NWD2: variants seen among roughly 807,000 people sequenced by gnomAD.
NWD2 encodes the protein NACHT and WD repeat domain containing 2.
Under a neutral mutation model 132.7 loss-of-function variants are expected in NWD2, and 37 were observed. The observed-to-expected ratio is 0.28, with a 90% confidence interval of 0.21 to 0.37. The LOEUF is 0.37. NWD2 is among the 10% of genes least tolerant of loss of function. The pLI is 1.00. For synonymous variants in NWD2, 705 were observed against 803.0 expected, an observed-to-expected ratio of 0.88 and a Z score of 2.06; for missense variants, 1,592 against 2,122.4, an observed-to-expected ratio of 0.75 and a Z score of 4.91.
At chr4:37,303,960 T>C (rs1718657809) in intron 1 of NWD2, among the ~76,000 whole-genome samples, 1 of 152,218 alleles carries the variant, frequency 6.6e-6, no homozygotes, top group Admixed American at 6.5e-5. Flanking sequence ...TGACTAGGAC[T>C]TTTAGTTCTG....
At chr4:37,261,581 A>C (rs1717637803) in intron 1 of NWD2, among the ~76,000 whole-genome samples, 1 of 152,210 alleles carries the variant, frequency 6.6e-6, no homozygotes. Flanking sequence ...ACACTCTTCT[A>C]AGCCGTGAAG....
chr4:37,372,035 A>C, intron 3 of NWD2, among the ~76,000 whole-genome samples: 1 of 152,188 alleles, frequency 6.6e-6, no homozygotes, highest in East Asian at 1.9e-4. Flanking sequence ...TTTATATAGT[A>C]TGTTGAAAAT....
chr4:37,307,070 T>C (rs1045246268), intron 1 of NWD2, among the ~76,000 whole-genome samples: 2 of 152,016 alleles, frequency 1.3e-5, no homozygotes, highest in African/African-American at 2.4e-5. Flanking sequence ...GAGGAATATG[T>C]ATTCTGTAGC....
intron 5 of NWD2, among the ~76,000 whole-genome samples, chr4:37,438,263 CAAAA>C (rs58024420): frequency 1.0e-5 from 1 of 99,090 alleles, no homozygotes. Context: ...TCCGTCTAAA[CAAAA>C]AAAAAAAAAG....
At position 37,448,767 on chromosome 4, in the gene NWD2, T is replaced by C. The variant is rs1475361317; in HGVS notation, c.*1550T>C. ...GTTTTTGTGAAGTGCAAAATAAAGATAGTGATAGTTTCTGCTGTAGCCCTC... is the reference window on the plus strand; with the variant it reads ...GTTTTTGTGAAGTGCAAAATAAAGACAGTGATAGTTTCTGCTGTAGCCCTC... On this transcript the variant is annotated 3_prime_UTR_variant, in exon 7 of 7. Transcript: ENST00000309447. The C allele has an allele frequency of 6.6e-6, 1 of 152,204 alleles. No homozygotes were observed. The highest frequency in any genetic ancestry group is 1.5e-5 in the Non-Finnish European group (1 of 68,036). 9.4% of individuals were successfully genotyped at this position (152,204 alleles called of 1,614,324 possible).
At chr4:37,313,660 G>A (rs1457283443) in intron 1 of NWD2, among the ~76,000 whole-genome samples, 4 of 150,808 alleles carry the variant, frequency 2.7e-5, no homozygotes, top group East Asian at 3.9e-4. Flanking sequence ...GAGGAAGTTC[G>A]TTTCTATTCC....
intron 3 of NWD2, among the ~76,000 whole-genome samples, chr4:37,379,257 A>G (rs1044629008): frequency 6.6e-6 from 1 of 152,172 alleles, no homozygotes; most frequent in African/African-American, 2.4e-5. Context: ...GGTCAAATCT[A>G]AGACTAAGAA....
chr4:37,431,489 G>C (rs1712177319), intron 4 of NWD2, among the ~76,000 whole-genome samples: 1 of 152,168 alleles, frequency 6.6e-6, no homozygotes, highest in South Asian at 2.1e-4. Context: ...TGGTAACAGA[G>C]AGTAGAAGTG....
chr4:37,298,401 C>T (rs750585686), intron 1 of NWD2, among the ~76,000 whole-genome samples: 18 of 152,150 alleles, frequency 1.2e-4, no homozygotes, highest in Non-Finnish European at 2.5e-4. Context: ...TTCTGGTATA[C>T]AATTATTTAT....
At chr4:37,251,611 C>T (rs2109255086) in intron 1 of NWD2, among the ~76,000 whole-genome samples, 1 of 152,316 alleles carries the variant, frequency 6.6e-6, no homozygotes, top group Admixed American at 6.5e-5. Flanking sequence ...TTTGTTGAAA[C>T]CTGCATGTTA....
chr4:37,256,322 A>T (rs1184285936), intron 1 of NWD2, among the ~76,000 whole-genome samples: 1 of 152,182 alleles, frequency 6.6e-6, no homozygotes, highest in Non-Finnish European at 1.5e-5. Context: ...AAATAAGAAA[A>T]TTTTTCCCAA....
chr4:37,329,482 G>A (rs1009038399), intron 2 of NWD2, among the ~76,000 whole-genome samples: 8 of 152,296 alleles, frequency 5.3e-5, no homozygotes, highest in South Asian at 2.1e-4. Flanking sequence ...TCATGCGGAT[G>A]TCTGGAGTTG....
intron 3 of NWD2, among the ~76,000 whole-genome samples, chr4:37,360,784 C>T (rs975270049): frequency 1.3e-5 from 2 of 152,324 alleles, no homozygotes; most frequent in Admixed American, 1.3e-4. Flanking sequence ...CTCATTATCT[C>T]ATCCCCATCC....
chr4:37,263,934 A>G (rs904721454), intron 1 of NWD2, among the ~76,000 whole-genome samples: 2 of 152,200 alleles, frequency 1.3e-5, no homozygotes, highest in Admixed American at 1.3e-4. Flanking sequence ...GTGAGATTAA[A>G]TAATACTTTC....
chr4:37,288,767 A>G (rs183094085), intron 1 of NWD2, among the ~76,000 whole-genome samples: 75 of 152,322 alleles, frequency 4.9e-4, no homozygotes, highest in African/African-American at 1.7e-3. Context: ...ATATTAAACA[A>G]TGGTAAACAA....
chr4:37,244,767 C>T lies in NWD2; in HGVS notation c.-301C>T. On this transcript the variant is annotated 5_prime_UTR_variant, in exon 1 of 7. Coordinates refer to ENST00000309447, the MANE Select transcript of NWD2 (RefSeq NM_001144990.2). This position sits in a 1 kb window ranked among gnomAD's most constrained non-coding sequence, Gnocchi z 5.5. ...CAAACGGGCGCTGCGCGCGTAGCCG[C>T]CGCCACGCTGACCTCCCGCTCCAGC... 3.1e-6 allele frequency: 1 copy of T among 326,192 alleles called. No individual in the cohort carries two copies. Among genetic ancestry groups the T allele is most frequent in the African/African-American group, 2.2e-5 (1 of 46,138 alleles). 20.2% of individuals were successfully genotyped at this position (326,192 alleles called of 1,614,324 possible). A position where few individuals can be genotyped will look rare whatever the true frequency, so the allele number is the denominator to read the frequency against.
At chr4:37,421,401 T>C (rs995040398) in intron 3 of NWD2, among the ~76,000 whole-genome samples, 4 of 152,232 alleles carry the variant, frequency 2.6e-5, no homozygotes, top group African/African-American at 9.6e-5. Flanking sequence ...TTCTGATATT[T>C]CTAAAGAATA....
intron 1 of NWD2, among the ~76,000 whole-genome samples, chr4:37,246,752 T>C (rs1297747224): frequency 6.6e-6 from 1 of 152,228 alleles, no homozygotes; most frequent in Non-Finnish European, 1.5e-5. Context: ...AAAAAAGTCA[T>C]GTGAAATGTG....
chr4:37,331,932 C>G (rs1271468367), intron 2 of NWD2, among the ~76,000 whole-genome samples: 1 of 152,152 alleles, frequency 6.6e-6, no homozygotes, highest in Non-Finnish European at 1.5e-5. Flanking sequence ...GCCCCTGTCA[C>G]AGCAGAAAGC....
Sources: allele counts gnomAD v4.1 joint callset (sites outside exome capture counted in the v4.1 genomes callset), GRCh38; gene constraint gnomAD v4.1.1; non-coding constraint Gnocchi (gnomAD v3.1); transcripts MANE v1.5; gene names NCBI Gene and HGNC (gene_info 2026-07-23, HGNC 2026-07-21).